GABRG1: variants seen among roughly 807,000 people sequenced by gnomAD.
GABRG1 encodes gamma-aminobutyric acid type A receptor subunit gamma1.
In GABRG1, 49 loss-of-function variants were observed where a neutral mutation model predicts 49.8. The ratio of observed to expected loss-of-function variants is 0.98; its 90% CI spans 0.78 to 1.25. GABRG1 has a LOEUF of 1.25. Among genes scored for constraint, GABRG1 ranks in the 50% most tolerant of loss-of-function variants. The pLI, the probability that GABRG1 is intolerant of heterozygous loss-of-function variation, is 0.00. For missense variants in GABRG1, 552 were observed against 552.3 expected (o/e 1.00, Z 0.01); for synonymous variants, 232 against 185.1 (o/e 1.25, Z -2.06).
chr4:46,056,336 G>C (rs1245285565), intron 7 of GABRG1, among the ~76,000 whole-genome samples: 1 of 151,886 alleles, frequency 6.6e-6, no homozygotes, highest in Non-Finnish European at 1.5e-5. Flanking sequence ...CCCAAAGCAT[G>C]GCATAGCAGG....
intron 3 of GABRG1, 31 bp downstream of exon 3, chr4:46,083,955 G>A (rs1328025553): frequency 1.7e-6 from 2 of 1,169,138 alleles, no homozygotes; most frequent in Non-Finnish European, 1.3e-6. Context: ...GATCTCTGTG[G>A]CAGTTATTAT....
chr4:46,120,532 T>G (rs73146831), intron 1 of GABRG1, among the ~76,000 whole-genome samples: 14,249 of 151,686 alleles, frequency 0.094, 1,668 homozygotes, highest in African/African-American at 0.28. Context: ...CATTTTCCTC[T>G]CAGTCTTTTG....
Position 46,117,990 on chromosome 4 carries a change from A to G in GABRG1, c.104+5820T>C, listed in dbSNP as rs1379377237. Among the ~76,000 whole-genome samples, 37 of 105,230 alleles carry G rather than the reference A, an allele frequency of 3.5e-4. 1 individual carries two copies. Among genetic ancestry groups the G allele is most frequent in the Non-Finnish European group, 5.9e-4 (33 of 55,948 alleles). The allele number at this position is 105,230 out of a possible 152,430, so 69.0% of individuals were successfully genotyped here. On this transcript the variant is annotated intron_variant, in intron 1 of 8. Coordinates refer to ENST00000295452, the MANE Select transcript of GABRG1 (RefSeq NM_173536.4). ...TATACATATGTATACATGTGTATCT[A>G]TATACATATATACATATGTATACAT...
At chr4:46,090,129 A>G (rs1180663441) in intron 2 of GABRG1, among the ~76,000 whole-genome samples, 2 of 152,094 alleles carry the variant, frequency 1.3e-5, no homozygotes, top group African/African-American at 4.8e-5. Flanking sequence ...ACTAAAACAT[A>G]TTTTGGACAG....
At chr4:46,107,089 A>C (rs1720573418) in intron 1 of GABRG1, among the ~76,000 whole-genome samples, 1 of 151,312 alleles carries the variant, frequency 6.6e-6, no homozygotes. Context: ...AAGTTATTTT[A>C]AAATATACAA....
At chr4:46,119,060 T>C (rs1262877571) in intron 1 of GABRG1, among the ~76,000 whole-genome samples, 2 of 151,178 alleles carry the variant, frequency 1.3e-5, no homozygotes, top group East Asian at 3.9e-4. Context: ...TCAGTAAACT[T>C]ATGTAAATTA....
chr4:46,058,480 T>C lies in GABRG1; in HGVS notation c.763+5A>G. On this transcript the variant is annotated splice_donor_5th_base_variant and intron_variant, in intron 6 of 8. Coordinates refer to ENST00000295452, the MANE Select transcript of GABRG1 (RefSeq NM_173536.4). ...ATCATTTCACTATTTGAGTATTCTT[T>C]TTACCAGAGATCGTGTGAGTGATTT... 6.2e-7 allele frequency: 1 copy of C among 1,611,946 alleles called. No homozygotes were observed. Among genetic ancestry groups the C allele is most frequent in the South Asian group, 1.1e-5 (1 of 90,672 alleles).
chr4:46,076,712 C>G (rs1344851780), intron 3 of GABRG1, among the ~76,000 whole-genome samples: 12 of 151,648 alleles, frequency 7.9e-5, no homozygotes, highest in Admixed American at 2.0e-4. Context: ...GCAGTACATT[C>G]TACAACATTC....
chr4:46,053,531 C>T (rs1039699917), intron 7 of GABRG1, among the ~76,000 whole-genome samples: 1 of 151,850 alleles, frequency 6.6e-6, no homozygotes, highest in Admixed American at 6.6e-5. Context: ...ATGGTAAAGG[C>T]TAAAAAAATG....
chr4:46,121,892 A>G (rs1409113739), intron 1 of GABRG1, among the ~76,000 whole-genome samples: 1 of 152,100 alleles, frequency 6.6e-6, no homozygotes, highest in Admixed American at 6.6e-5. Flanking sequence ...ACTTATACAT[A>G]TGGTTAAAAA....
chr4:46,063,232 C>T (rs1223684469), intron 5 of GABRG1, among the ~76,000 whole-genome samples: 4 of 152,072 alleles, frequency 2.6e-5, no homozygotes, highest in Middle Eastern at 3.4e-3. Context: ...GCCAAAAGAA[C>T]AAAGCTGGAG....
Position 46,051,894 on chromosome 4 carries a change from G to T in GABRG1, c.917-256C>A, listed in dbSNP as rs573821227. Among the ~76,000 whole-genome samples, 5 of 151,840 alleles carry T rather than the reference G, an allele frequency of 3.3e-5. No homozygotes were observed. In the South Asian group the frequency reaches 1.0e-3, roughly 32 times the overall value. On this transcript the variant is annotated intron_variant, in intron 7 of 8. Transcript: ENST00000295452. ...ATATCCATTCTTCCCTTCCTCCATT[G>T]TAATAGAATATCAAATATTTAGCTG... is the stretch of plus-strand genomic sequence containing the variant.
intron 1 of GABRG1, among the ~76,000 whole-genome samples, chr4:46,108,364 C>T (rs910432652): frequency 1.3e-5 from 2 of 151,106 alleles, no homozygotes; most frequent in Non-Finnish European, 3.0e-5. Flanking sequence ...TGCACAGCCA[C>T]TTGAACTAGA....
In GABRG1 at chr4:46,062,734, G is replaced by A. The variant is rs191084366; in HGVS notation, c.625+1707C>T. ...GAAAAGAGGAAGTCAAATTGTCCCT[G>A]TTTGCAGACGACATCATTGTATATC... On this transcript the variant is annotated intron_variant, in intron 5 of 8. Coordinates refer to ENST00000295452, the MANE Select transcript of GABRG1 (RefSeq NM_173536.4). Among the ~76,000 whole-genome samples, 16 of 152,268 alleles carry A rather than the reference G, an allele frequency of 1.1e-4. No individual in the cohort carries two copies. In the East Asian group the frequency reaches 2.9e-3, roughly 28 times the overall value.
chr4:46,113,369 A>G (rs572926774), intron 1 of GABRG1, among the ~76,000 whole-genome samples: 54 of 151,088 alleles, frequency 3.6e-4, no homozygotes, highest in Middle Eastern at 3.4e-3. Context: ...AGCCCCTTAT[A>G]AAACCATCAA....
Position 46,074,093 on chromosome 4 carries a change from T to C in GABRG1, c.322-8509A>G, listed in dbSNP as rs528276704. On this transcript the variant is annotated intron_variant, in intron 3 of 8. Coordinates refer to ENST00000295452, the MANE Select transcript of GABRG1 (RefSeq NM_173536.4). ...GGTTCTGCTTCCTAGAAAAGCTTCA[T>C]AGCCAATAGGCAAACTTGCTTTCTA... 2.0e-5 allele frequency among the ~76,000 whole-genome samples: 3 copies of C among 152,320 alleles called. No individual in the cohort carries two copies. In the South Asian group the frequency reaches 6.2e-4, roughly 32 times the overall value.
In GABRG1 at chr4:46,089,448, CAT is replaced by C. The variant is rs146218190; in HGVS notation, c.254-5397_254-5396del. Among the ~76,000 whole-genome samples the C allele has an allele frequency of 3.1e-4, 47 of 152,112 alleles. No homozygotes were observed. In the East Asian group the frequency reaches 8.8e-3, roughly 28 times the overall value. On this transcript the variant is annotated intron_variant, in intron 2 of 8. Coordinates refer to ENST00000295452, the MANE Select transcript of GABRG1 (RefSeq NM_173536.4). ...TCCCCCATGTCCCCATCGCTAGAAACATAGAAGAGATAAAGAGATGGAATAAA... is the reference window on the plus strand; with the variant it reads ...TCCCCCATGTCCCCATCGCTAGAAACAGAAGAGATAAAGAGATGGAATAAA...
chr4:46,079,853 C>A (rs185237588), intron 3 of GABRG1, among the ~76,000 whole-genome samples: 6 of 151,770 alleles, frequency 4.0e-5, no homozygotes, highest in African/African-American at 1.2e-4. Context: ...CATAATATCC[C>A]CCAAATCTGA....
At position 46,041,192 on chromosome 4, in the gene GABRG1, T is replaced by C. The variant is rs759588967; in HGVS notation, c.1194A>G (p.Gln398=). The part of the protein sequence containing the change: ...LIPMNNISVP[Q]EDDYGYQCLE... ...AACACTGATACCCATAATCATCTTC[T>C]TGCGGCACAGAAATATTATTCATTG... The change falls in exon 9 of 9, where the codon CAA becomes CAG. Residue 398 remains glutamine, a synonymous_variant. Transcript: ENST00000295452. 5.0e-6 allele frequency: 8 copies of C among 1,612,830 alleles called. No individual in the cohort carries two copies. The highest frequency in any genetic ancestry group is 2.2e-5 in the East Asian group (1 of 44,840).
Sources: gnomAD v4.1 joint callset for allele counts (sites outside exome capture counted in the v4.1 genomes callset) on GRCh38, gnomAD v4.1.1 for gene constraint, MANE v1.5 for transcripts, NCBI Gene and HGNC (gene_info 2026-07-23, HGNC 2026-07-21) for gene names.